CTNND1: variants seen among roughly 807,000 people sequenced by gnomAD.
The protein encoded by CTNND1 is catenin delta 1, also known as catenin delta-1.
In CTNND1, 16 loss-of-function variants were observed where a neutral mutation model predicts 112.1. The ratio of observed to expected loss-of-function variants is 0.14; its 90% CI spans 0.10 to 0.22. The LOEUF is 0.22. Among genes scored for constraint, CTNND1 ranks in the 10% least tolerant of loss-of-function variants. The pLI, the probability that CTNND1 is intolerant of heterozygous loss-of-function variation, is 1.00. For missense variants in CTNND1, 1,008 were observed against 1,257.0 expected (o/e 0.80, Z 3.00); for synonymous variants, 420 against 446.5 (o/e 0.94, Z 0.75).
intron 17 of CTNND1, chr11:57,814,072 T>G (rs970828334): frequency 5.6e-5 from 26 of 462,272 alleles, no homozygotes; most frequent in Non-Finnish European, 2.4e-5. Flanking sequence ...CCCAGTACTT[T>G]GGGAGACTGA....
intron 15 of CTNND1, among the ~76,000 whole-genome samples, chr11:57,809,697 T>C (rs1242550758): frequency 6.6e-6 from 1 of 152,228 alleles, no homozygotes; most frequent in Non-Finnish European, 1.5e-5. Flanking sequence ...AAATTTGATT[T>C]AACCCATTTT....
chr11:57,816,038 G>C, intron 20 of CTNND1, 37 bp downstream of exon 20: 1 of 1,516,302 alleles, frequency 6.6e-7, no homozygotes, highest in Non-Finnish European at 8.9e-7. Flanking sequence ...TGTTCTTGAG[G>C]AAGGAGGCTC....
At position 57,815,421 on chromosome 11, in the gene CTNND1, G is replaced by A; in HGVS notation, c.2729G>A (p.Arg910Lys). 6.2e-7 allele frequency: 1 copy of A among 1,607,682 alleles called. No individual in the cohort carries two copies. The highest frequency in any genetic ancestry group is 8.5e-7 in the Non-Finnish European group (1 of 1,177,612). ...AACAACTATTCCACACCAAATGAGA[G>A]AGGAGACCACAATAGAACACTGGAT... ...LDNNYSTPNE[R>K]GDHNRTLDRS... Residue 910 changes from arginine (R) to lysine (K), a missense_variant, in exon 19 of 21, where the codon AGA becomes AAA. Transcript: ENST00000399050.
At chr11:57,811,797 A>ATAGT (rs375879641) in intron 17 of CTNND1, among the ~76,000 whole-genome samples, 1 of 2,268 alleles carries the variant, frequency 4.4e-4, no homozygotes, top group Non-Finnish European at 4.1e-3. Flanking sequence ...TAATATTGTA[A>ATAGT]TAGTTACTAT....
chr11:57,764,212 AGTG>A (rs1950532269), intron 1 of CTNND1: 1 of 151,110 alleles, frequency 6.6e-6, no homozygotes. Context: ...TGAGTAAGGT[AGTG>A]GTCTGTGTTC....
At chr11:57,813,029 A>G (rs1387411952) in intron 17 of CTNND1, among the ~76,000 whole-genome samples, 3 of 152,210 alleles carry the variant, frequency 2.0e-5, no homozygotes, top group Non-Finnish European at 4.4e-5. Context: ...TAACTTCCCA[A>G]TACTGAAAAG....
At chr11:57,771,203 A>G (rs1351009709) in intron 1 of CTNND1, among the ~76,000 whole-genome samples, 1 of 151,938 alleles carries the variant, frequency 6.6e-6, no homozygotes, top group African/African-American at 2.4e-5. Context: ...TCCATTCAAA[A>G]GAAATTTGAG....
At position 57,796,807 on chromosome 11, in the gene CTNND1, T is replaced by C. The variant is rs1428055503; in HGVS notation, c.771T>C (p.Tyr257=). The change falls in exon 6 of 21, where the codon TAT becomes TAC. Residue 257 remains tyrosine, a synonymous_variant. Transcript: ENST00000399050. ...GGGCACCTAGTAGACAGGATGTGTA[T>C]GGGCCCCAACCCCAGGTTCGGGTAG... The part of the protein sequence containing the change: ...GYRAPSRQDV[Y]GPQPQVRVGG... 1 of 1,610,530 alleles carries C rather than the reference T, an allele frequency of 6.2e-7. No individual in the cohort carries two copies. Among genetic ancestry groups the C allele is most frequent in the South Asian group, 1.1e-5 (1 of 90,684 alleles).
chr11:57,781,852 C>T (rs1217338298), intron 1 of CTNND1, among the ~76,000 whole-genome samples: 1 of 152,102 alleles, frequency 6.6e-6, no homozygotes, highest in Non-Finnish European at 1.5e-5. Flanking sequence ...CCTTTCAGTC[C>T]TGGGCCCCCT....
At chr11:57,804,540 A>G (rs1397061622) in intron 8 of CTNND1, 123 bp from the exon 9 acceptor site, 3 of 698,404 alleles carry the variant, frequency 4.3e-6, no homozygotes, top group Non-Finnish European at 7.3e-6. Context: ...TACCTTGCTT[A>G]TAATAGGTAT....
chr11:57,792,330 A>G (rs1464050009), intron 3 of CTNND1, among the ~76,000 whole-genome samples: 4 of 152,160 alleles, frequency 2.6e-5, no homozygotes, highest in Non-Finnish European at 5.9e-5. Context: ...TGGTGTTAGA[A>G]ATGAGAAGTA....
At chr11:57,806,854 G>C (rs1354270993) in intron 11 of CTNND1, 61 bp from the exon 12 acceptor site, 6 of 1,384,026 alleles carry the variant, frequency 4.3e-6, no homozygotes, top group Non-Finnish European at 5.0e-6. Flanking sequence ...AATGTGCCAG[G>C]TGGAATCTTT....
chr11:57,809,229 G>A, intron 14 of CTNND1, 45 bp from the exon 15 acceptor site: 1 of 1,454,512 alleles, frequency 6.9e-7, no homozygotes, highest in Non-Finnish European at 9.6e-7. Context: ...GGCTCTTCAT[G>A]ACCTGACTTG....
chr11:57,787,201 A>G (rs758356226), intron 1 of CTNND1, among the ~76,000 whole-genome samples: 1 of 152,190 alleles, frequency 6.6e-6, no homozygotes, highest in Non-Finnish European at 1.5e-5. Context: ...AGAATCAAGA[A>G]CTTATTATGA....
At chr11:57,805,215 A>T (rs987311508) in intron 9 of CTNND1, among the ~76,000 whole-genome samples, 4 of 149,194 alleles carry the variant, frequency 2.7e-5, no homozygotes, top group Non-Finnish European at 1.5e-5. Flanking sequence ...TTACTCCTTA[A>T]AGTGGGTATT....
intron 1 of CTNND1, among the ~76,000 whole-genome samples, chr11:57,768,972 A>G (rs2135986520): frequency 6.6e-6 from 1 of 151,888 alleles, no homozygotes; most frequent in East Asian, 1.9e-4. Context: ...ACTTAAGCCA[A>G]TTTCTTTGAA....
rs1035969758 is a variant in CTNND1 at position 57,819,479 on chromosome 11, C to G, written c.*3171C>G. On this transcript the variant is annotated 3_prime_UTR_variant, in exon 21 of 21. Transcript: ENST00000399050. ...CATTGAGCTAGATACAAACCCTACT[C>G]TTCTCTCTTCCTTCTGGATTGGTCC... 1 of 152,220 alleles carries G rather than the reference C, an allele frequency of 6.6e-6. No individual in the cohort carries two copies. Among genetic ancestry groups the G allele is most frequent in the Non-Finnish European group, 1.5e-5 (1 of 68,048 alleles). The allele number at this position is 152,220 out of a possible 1,614,324, so 9.4% of individuals were successfully genotyped here.
At chr11:57,764,525 A>G (rs925607327) in intron 1 of CTNND1, among the ~76,000 whole-genome samples, 5 of 152,060 alleles carry the variant, frequency 3.3e-5, no homozygotes, top group African/African-American at 1.2e-4. Context: ...ATCTCCTTCT[A>G]TTTTGGTACC....
At chr11:57,789,836 A>G (rs1179628534) in intron 2 of CTNND1, among the ~76,000 whole-genome samples, 2 of 152,194 alleles carry the variant, frequency 1.3e-5, no homozygotes, top group African/African-American at 4.8e-5. Flanking sequence ...ACTTCCAGCC[A>G]TTGACGTGTG....
Sources: gnomAD v4.1 joint callset for allele counts (sites outside exome capture counted in the v4.1 genomes callset) on GRCh38, gnomAD v4.1.1 for gene constraint, MANE v1.5 for transcripts, NCBI Gene and HGNC (gene_info 2026-07-23, HGNC 2026-07-21) for gene names.